The following PCDH18 variants were observed in gnomAD, a reference collection of about 807,000 sequenced individuals.
PCDH18 encodes the protein protocadherin-18.
Under a neutral mutation model 71.5 loss-of-function variants are expected in PCDH18, and 38 were observed. The ratio of observed to expected loss-of-function variants is 0.53; its 90% CI spans 0.41 to 0.70. PCDH18 has a LOEUF of 0.70. Ranked by LOEUF, PCDH18 falls within the 30% of genes least tolerant of loss-of-function variation. PCDH18 has a pLI of 0.00. For synonymous variants in PCDH18, 565 were observed against 505.4 expected, an observed-to-expected ratio of 1.12 and a Z score of -1.58; for missense variants, 1,334 against 1,384.6, an observed-to-expected ratio of 0.96 and a Z score of 0.58.
intron 3 of PCDH18, among the ~76,000 whole-genome samples, chr4:137,528,037 G>T (rs1187635740): frequency 6.6e-6 from 1 of 152,010 alleles, no homozygotes; most frequent in Non-Finnish European, 1.5e-5. Context: ...TTGTGAGTTG[G>T]TGCCCATCAC....
rs1244352334 is a variant in PCDH18, at chr4:137,521,817, A to C, written c.2741-121T>G. ...AATTTTAAACTATTTCCATGATGCC[A>C]ACCTATTATTATACACAAAAGCTGG... On this transcript the variant is annotated intron_variant, in intron 3 of 3. Transcript: ENST00000344876. 3 of 713,944 alleles carry C rather than the reference A, an allele frequency of 4.2e-6. 1 individual carries two copies. Among genetic ancestry groups the C allele is most frequent in the South Asian group, 3.9e-5 (2 of 51,272 alleles). 44.2% of individuals were successfully genotyped at this position (713,944 alleles called of 1,614,324 possible). A position where few individuals can be genotyped will look rare whatever the true frequency, so the allele number is the denominator to read the frequency against.
At position 137,531,732 on chromosome 4, in the gene PCDH18, C is replaced by T. The variant is rs745562366; in HGVS notation, c.357G>A (p.Gln119=). 1.9e-6 allele frequency: 3 copies of T among 1,614,030 alleles called. No homozygotes were observed. Among genetic ancestry groups the T allele is most frequent in the Non-Finnish European group, 2.5e-6 (3 of 1,179,962 alleles). ...DVITLPTEHL[Q]LFHIEVEVLD... ...GCACTTCAACTTCAATATGGAAAAGCTGCAGATGCTCTGTGGGTAGAGTGA... is the reference window on the plus strand; with the variant it reads ...GCACTTCAACTTCAATATGGAAAAGTTGCAGATGCTCTGTGGGTAGAGTGA... Residue 119 remains glutamine (Q), a synonymous_variant, in exon 1 of 4, where the codon CAG becomes CAA. Coordinates refer to ENST00000344876, the MANE Select transcript of PCDH18 (RefSeq NM_019035.5).
In PCDH18 at chr4:137,521,447, C is replaced by G. The variant is rs1278014751; in HGVS notation, c.2990G>C (p.Gly997Ala). ...GAGCAGAGATGATGTGCTGGTATCC[C>G]CAGTGTCCTCATCGTTTGGGGAGTC... ...GKDSPNDEDT[G>A]DTSTSSLLSE... The change falls in exon 4 of 4, where the codon GGG (glycine) becomes GCG (alanine). Residue 997 changes from glycine to alanine, a missense_variant. Transcript: ENST00000344876. The G allele has an allele frequency of 2.5e-6, 4 of 1,614,180 alleles. No homozygotes were observed. The highest frequency in any genetic ancestry group is 3.4e-6 in the Non-Finnish European group (4 of 1,180,046).
chr4:137,523,762 T>C (rs562081196), intron 3 of PCDH18, among the ~76,000 whole-genome samples: 2 of 152,316 alleles, frequency 1.3e-5, no homozygotes, highest in Admixed American at 1.3e-4. Context: ...AGGTAACTAA[T>C]GCAATCTGAA....
intron 3 of PCDH18, among the ~76,000 whole-genome samples, chr4:137,524,663 T>C (rs1460707704): frequency 6.6e-6 from 1 of 152,120 alleles, no homozygotes. Flanking sequence ...TGCTTCTAGC[T>C]ATAACAAAAG....
Position 137,528,564 on chromosome 4 carries a change from T to C in PCDH18, c.2654A>G (p.Tyr885Cys), listed in dbSNP as rs1731547034. ...TATTGGAGAATCTCGCCCCAAATCA[T>C]AATCACTGTCTCCTGCCTCACTGTC... ...RGDSEAGDSDYDLGRDSPIDR... is the reference protein window; with the variant it reads ...RGDSEAGDSDCDLGRDSPIDR... Residue 885 changes from tyrosine to cysteine, a missense_variant, in exon 3 of 4, where the codon TAT becomes TGT. Physicochemically the swap from Tyr to Cys is radical, Grantham distance 194. This residue lies in a region of PCDH18 where 319 missense variants were observed against 316.3 expected (regional missense o/e 1.01). Coordinates refer to ENST00000344876, the MANE Select transcript of PCDH18 (RefSeq NM_019035.5). 1.2e-6 allele frequency: 2 copies of C among 1,613,930 alleles called. No homozygotes were observed. Among genetic ancestry groups the C allele is most frequent in the Non-Finnish European group, 1.7e-6 (2 of 1,179,962 alleles).
intron 3 of PCDH18, among the ~76,000 whole-genome samples, chr4:137,527,755 T>C (rs1731520253): frequency 1.3e-5 from 2 of 152,160 alleles, no homozygotes; most frequent in Admixed American, 1.3e-4. Context: ...GCTGCTAGGA[T>C]AATATAATCA....
intron 3 of PCDH18, among the ~76,000 whole-genome samples, chr4:137,528,094 A>G (rs1353959167): frequency 6.6e-6 from 1 of 152,180 alleles, no homozygotes; most frequent in Non-Finnish European, 1.5e-5. Context: ...ACTCTGCGCC[A>G]AAACAGTTTA....
At position 137,521,634 on chromosome 4, in the gene PCDH18, G is replaced by A; in HGVS notation, c.2803C>T (p.Pro935Ser). The change falls in exon 4 of 4, where the codon CCA becomes TCA. Residue 935 changes from proline (P) to serine (S), a missense_variant. Transcript: ENST00000344876. ...LGHSDQCWMP[P>S]LPSPSSDYRS... ...TAATCAGAAGACGGTGAGGGCAGTG[G>A]TGGCATCCAGCACTGGTCAGAGTGT... 6.2e-7 allele frequency: 1 copy of A among 1,612,334 alleles called. No homozygotes were observed. Among genetic ancestry groups the A allele is most frequent in the South Asian group, 1.1e-5 (1 of 91,076 alleles).
rs1348862675 is a variant in PCDH18, at chr4:137,530,859, T to C, written c.1230A>G (p.Thr410=). 6.2e-7 allele frequency: 1 copy of C among 1,609,864 alleles called. No individual in the cohort carries two copies. Among genetic ancestry groups the C allele is most frequent in the Non-Finnish European group, 8.5e-7 (1 of 1,177,630 alleles). The part of the protein sequence containing the change: ...HGHGHFKLQK[T]YENNYLILTN... ...TTAAGATTAAATAATTGTTTTCATA[T>C]GTCTTCTGAAGTTTAAAGTGACCAT... Residue 410 remains threonine (T), a synonymous_variant, in exon 1 of 4, where the codon ACA becomes ACG. Coordinates refer to ENST00000344876, the MANE Select transcript of PCDH18 (RefSeq NM_019035.5).
chr4:137,528,687 G>A, intron 2 of PCDH18, 45 bp downstream of exon 2: 3 of 1,598,930 alleles, frequency 1.9e-6, no homozygotes, highest in Non-Finnish European at 2.6e-6. Flanking sequence ...TTACTCTTCA[G>A]CATTTATGTT....
chr4:137,523,348 T>C lies in PCDH18; in HGVS notation c.2741-1652A>G, dbSNP rs184475055. 1.8e-3 allele frequency among the ~76,000 whole-genome samples: 269 copies of C among 152,198 alleles called. 2 individuals are homozygous for C. The highest frequency in any genetic ancestry group is 8.5e-4 in the Non-Finnish European group (58 of 67,996). On this transcript the variant is annotated intron_variant, in intron 3 of 3. Coordinates refer to ENST00000344876, the MANE Select transcript of PCDH18 (RefSeq NM_019035.5). ...TGGAAATGTTTACCAACTTTTTTTT[T>C]TTTAATTTGATGTGGATGAAACAAA...
Position 137,529,938 on chromosome 4 carries a change from C to T in PCDH18, c.2151G>A (p.Met717Ile). Residue 717 changes from methionine to isoleucine, a missense_variant, in exon 1 of 4, where the codon ATG (methionine) becomes ATA (isoleucine). Coordinates refer to ENST00000344876, the MANE Select transcript of PCDH18 (RefSeq NM_019035.5). Reference protein sequence around the residue: ...GAICAVLLVIMVLFATRCNRE... With the variant: ...GAICAVLLVIIVLFATRCNRE... Reference sequence around the variant, plus strand: ...GGTTACACCTAGTTGCAAATAGCACCATAATAACCAGCAACACTGCACAAA... The same window carrying T: ...GGTTACACCTAGTTGCAAATAGCACTATAATAACCAGCAACACTGCACAAA... 6.2e-7 allele frequency: 1 copy of T among 1,613,824 alleles called. No homozygotes were observed. Among genetic ancestry groups the T allele is most frequent in the Non-Finnish European group, 8.5e-7 (1 of 1,179,906 alleles).
chr4:137,521,806 T>C (rs1731311641), intron 3 of PCDH18, 110 bp from the exon 4 acceptor site: 1 of 777,316 alleles, frequency 1.3e-6, no homozygotes, highest in Non-Finnish European at 2.0e-6. Flanking sequence ...TTAAACTATT[T>C]CCATGATGCC....
chr4:137,521,422 G>A lies in PCDH18; in HGVS notation c.3015C>T (p.Leu1005=), dbSNP rs186424225. The change falls in exon 4 of 4, where the codon CTC becomes CTT. Residue 1005 remains leucine, a synonymous_variant. Transcript: ENST00000344876. The part of the protein sequence containing the change: ...DTGDTSTSSL[L]SEMSSVFQRL... Reference sequence around the variant, plus strand: ...GCTGGAACACACTGCTCATTTCCGAGAGCAGAGATGATGTGCTGGTATCCC... The same window carrying A: ...GCTGGAACACACTGCTCATTTCCGAAAGCAGAGATGATGTGCTGGTATCCC... 4 of 1,614,180 alleles carry A rather than the reference G, an allele frequency of 2.5e-6. No homozygotes were observed. The highest frequency in any genetic ancestry group is 3.4e-6 in the Non-Finnish European group (4 of 1,180,032).
At chr4:137,524,799 A>C (rs1489495346) in intron 3 of PCDH18, among the ~76,000 whole-genome samples, 2 of 152,158 alleles carry the variant, frequency 1.3e-5, no homozygotes, top group South Asian at 2.1e-4. Flanking sequence ...ATTTTGAGCC[A>C]AAAAATGTGG....
intron 3 of PCDH18, among the ~76,000 whole-genome samples, chr4:137,525,286 C>A (rs1308459503): frequency 6.6e-6 from 1 of 152,078 alleles, no homozygotes; most frequent in Non-Finnish European, 1.5e-5. Context: ...GCATGAATGA[C>A]CAGAAATGAC....
intron 3 of PCDH18, among the ~76,000 whole-genome samples, chr4:137,526,821 A>G (rs1271357351): frequency 6.6e-6 from 1 of 152,046 alleles, no homozygotes; most frequent in Non-Finnish European, 1.5e-5. Flanking sequence ...CTACCACAAC[A>G]AAAACCTGTT....
chr4:137,528,055 G>A (rs537105549), intron 3 of PCDH18, among the ~76,000 whole-genome samples: 31 of 152,248 alleles, frequency 2.0e-4, no homozygotes, highest in African/African-American at 7.5e-4. Flanking sequence ...CACAGGAAAT[G>A]CATCCTCCAA....
Sources: gnomAD v4.1 joint callset for allele counts (sites outside exome capture counted in the v4.1 genomes callset) on GRCh38, gnomAD v4.1.1 for gene constraint, gnomAD v4.1.1 regional missense constraint, MANE v1.5 for transcripts, NCBI Gene and HGNC (gene_info 2026-07-23, HGNC 2026-07-21) for gene names.